Variants in CTNNA3 observed in about 807,000 individuals in gnomAD.
CTNNA3 encodes catenin alpha-3.
A neutral mutation model predicts 95.7 loss-of-function variants in CTNNA3; 76 were observed. The ratio of observed to expected loss-of-function variants is 0.79; its 90% confidence interval spans 0.66 to 0.96. The LOEUF is 0.96. Ranked by LOEUF, CTNNA3 falls within the 40% of genes least tolerant of loss-of-function variation. The pLI, the probability that CTNNA3 is intolerant of heterozygous loss-of-function variation, is 0.00. For synonymous variants in CTNNA3, 431 were observed against 374.4 expected, an observed-to-expected ratio of 1.15 and a Z score of -1.74; for missense variants, 1,191 against 1,089.8, an observed-to-expected ratio of 1.09 and a Z score of -1.31.
At chr10:66,487,272 G>C (rs1030543344) in intron 11 of CTNNA3, among the ~76,000 whole-genome samples, 1 of 127,586 alleles carries the variant, frequency 7.8e-6, no homozygotes, top group African/African-American at 2.9e-5. Context: ...CGCGATCTCG[G>C]CTCACTGCAA....
At chr10:67,198,215 T>C (rs1863465931) in intron 6 of CTNNA3, among the ~76,000 whole-genome samples, 1 of 152,160 alleles carries the variant, frequency 6.6e-6, no homozygotes, top group South Asian at 2.1e-4. Context: ...TATGTCATGA[T>C]ATGTTGTGAT....
intron 7 of CTNNA3, among the ~76,000 whole-genome samples, chr10:66,806,303 A>T (rs896138063): frequency 2.1e-5 from 3 of 146,118 alleles, no homozygotes; most frequent in Non-Finnish European, 3.0e-5. Context: ...ATATATACTC[A>T]TTTAATAATG....
At chr10:66,481,297 C>T (rs10997166) in intron 11 of CTNNA3, among the ~76,000 whole-genome samples, 9,406 of 151,866 alleles carry the variant, frequency 0.062, 602 homozygotes, top group African/African-American at 0.16. Flanking sequence ...ATTTGATTTG[C>T]TGTAGATTAT....
chr10:65,962,048 GT>G (rs1242985929), intron 17 of CTNNA3, among the ~76,000 whole-genome samples: 2 of 152,214 alleles, frequency 1.3e-5, no homozygotes, highest in African/African-American at 4.8e-5. Flanking sequence ...CTCCCAGTTT[GT>G]TTTAACTGCC....
intron 9 of CTNNA3, among the ~76,000 whole-genome samples, chr10:66,753,071 T>C (rs949404119): frequency 5.9e-5 from 9 of 152,220 alleles, no homozygotes; most frequent in Non-Finnish European, 1.5e-5. Flanking sequence ...GGCCCATAGC[T>C]ACCTACTCAT....
chr10:66,122,252 A>G (rs967279891), intron 13 of CTNNA3, among the ~76,000 whole-genome samples: 1 of 152,204 alleles, frequency 6.6e-6, no homozygotes, highest in Non-Finnish European at 1.5e-5. Context: ...CACAGCTGAG[A>G]AGAGAATCAG....
intron 9 of CTNNA3, among the ~76,000 whole-genome samples, chr10:66,642,255 TACACACACACACACACACACACAAACAC>T (rs1185599259): frequency 8.7e-6 from 1 of 114,708 alleles, no homozygotes; most frequent in African/African-American, 4.7e-5. Context: ...TTCTTTAAAA[TACACACACACACACACACACACAAACAC>T]ACACACACAC....
At chr10:66,864,321 T>G (rs1844076686) in intron 7 of CTNNA3, among the ~76,000 whole-genome samples, 1 of 151,978 alleles carries the variant, frequency 6.6e-6, no homozygotes, top group South Asian at 2.1e-4. Flanking sequence ...TGAGAGTGAG[T>G]TTGTTATCAA....
At chr10:67,217,517 C>T (rs74142444) in intron 6 of CTNNA3, among the ~76,000 whole-genome samples, 1 of 152,132 alleles carries the variant, frequency 6.6e-6, no homozygotes, top group Non-Finnish European at 1.5e-5. Context: ...TGAAGAACAA[C>T]TGAGTCTGCC....
At chr10:65,935,622 T>C (rs553431863) in intron 17 of CTNNA3, among the ~76,000 whole-genome samples, 1 of 152,180 alleles carries the variant, frequency 6.6e-6, no homozygotes, top group Non-Finnish European at 1.5e-5. Context: ...TGCTAATGTT[T>C]TATAGCTTTT....
chr10:66,549,155 A>G (rs1416180196), intron 10 of CTNNA3, among the ~76,000 whole-genome samples: 2 of 151,474 alleles, frequency 1.3e-5, no homozygotes, highest in Non-Finnish European at 2.9e-5. Flanking sequence ...CACCACGCCC[A>G]GCTAATTTTT....
At chr10:66,656,002 G>A (rs1564598646) in intron 9 of CTNNA3, among the ~76,000 whole-genome samples, 1 of 152,064 alleles carries the variant, frequency 6.6e-6, no homozygotes. Context: ...CGTTTATTGA[G>A]TACTTACTGA....
chr10:66,049,616 A>G (rs2079906167), intron 15 of CTNNA3, among the ~76,000 whole-genome samples: 1 of 152,244 alleles, frequency 6.6e-6, no homozygotes, highest in South Asian at 2.1e-4. Flanking sequence ...GAAGCAATAA[A>G]AAAGAATGAG....
At chr10:67,148,155 TG>T (rs928162087) in intron 7 of CTNNA3, among the ~76,000 whole-genome samples, 2 of 152,252 alleles carry the variant, frequency 1.3e-5, no homozygotes, top group African/African-American at 4.8e-5. Flanking sequence ...AAGATCCCAC[TG>T]GGGAAAAATT....
intron 15 of CTNNA3, among the ~76,000 whole-genome samples, chr10:66,043,596 G>A (rs1037267472): frequency 3.3e-5 from 5 of 152,146 alleles, no homozygotes; most frequent in African/African-American, 7.2e-5. Flanking sequence ...ATTATACGAA[G>A]AGAAAAAATG....
intron 7 of CTNNA3, among the ~76,000 whole-genome samples, chr10:66,819,197 G>A (rs1842210843): frequency 6.6e-6 from 1 of 151,438 alleles, no homozygotes; most frequent in Admixed American, 6.6e-5. Flanking sequence ...ATACATCTTT[G>A]GTCAATTGAT....
chr10:67,089,717 ATGTGTGTGTG>A lies in CTNNA3; in HGVS notation c.1047+90590_1047+90599del, dbSNP rs71006125. ...AGAGTATACATATGTGTATATACAT[ATGTGTGTGTG>A]TGTGTGTGTGTGTGTGTGTGTGTGT... On this transcript the variant is annotated intron_variant, in intron 7 of 17. Coordinates refer to ENST00000433211, the MANE Select transcript of CTNNA3 (RefSeq NM_013266.4). 5.3e-3 allele frequency among the ~76,000 whole-genome samples: 767 copies of A among 144,736 alleles called. 5 individuals carry two copies. The highest frequency in any genetic ancestry group is 0.018 in the African/African-American group (723 of 39,364). The allele number at this position is 144,736 out of a possible 152,430, so 95.0% of individuals were successfully genotyped here.
intron 1 of CTNNA3, among the ~76,000 whole-genome samples, chr10:67,701,564 C>A (rs986870087): frequency 1.3e-5 from 2 of 152,130 alleles, no homozygotes; most frequent in Non-Finnish European, 2.9e-5. Flanking sequence ...ACTTTACAGA[C>A]AAGCAAATGC....
chr10:67,295,259 C>A (rs1249576501), intron 5 of CTNNA3, among the ~76,000 whole-genome samples: 1 of 152,044 alleles, frequency 6.6e-6, no homozygotes, highest in African/African-American at 2.4e-5. Flanking sequence ...AATGAAAATA[C>A]TCAAAAGAAA....
Sources: gnomAD v4.1 joint callset for allele counts (sites outside exome capture counted in the v4.1 genomes callset) on GRCh38, gnomAD v4.1.1 for gene constraint, MANE v1.5 for transcripts, NCBI Gene and HGNC (gene_info 2026-07-23, HGNC 2026-07-21) for gene names.